Variants in ZIC5 observed in about 807,000 individuals in gnomAD.
The protein encoded by ZIC5 is Zic family zinc finger 5, also known as zinc finger protein ZIC 5.
In ZIC5, 20 loss-of-function variants were observed where a neutral mutation model predicts 28.5. That is an observed-to-expected ratio of 0.70 (90% CI 0.49 to 1.02). ZIC5 has a LOEUF of 1.02. ZIC5 is among the 50% of genes least tolerant of loss of function. The pLI, the probability that ZIC5 is intolerant of heterozygous loss-of-function variation, is 0.00. For missense variants in ZIC5, 951 were observed against 899.7 expected, an observed-to-expected ratio of 1.06 and a Z score of -0.73; for synonymous variants, 488 against 410.4, an observed-to-expected ratio of 1.19 and a Z score of -2.29.
chr13:99,970,881 G>C lies in ZIC5; in HGVS notation c.723C>G (p.Asp241Glu), dbSNP rs781033169. ...GGTGGCCGCCTGGGGCCCCCGGCGT[G>C]TCGTGCAGCGCGGGGAAGAGCGCCG... ...GGPALFPALH[D>E]TPGAPGGHPH... Residue 241 changes from aspartate (D) to glutamate (E), a missense_variant, in exon 1 of 2, where the codon GAC (aspartate) becomes GAG (glutamate). Around this residue, in one of 3 missense-constraint regions of ZIC5, gnomAD observed 784 missense variants for 660.1 expected, o/e 1.19. Transcript: ENST00000267294. 3 of 1,295,396 alleles carry C rather than the reference G, an allele frequency of 2.3e-6. No individual in the cohort carries two copies. In the South Asian group the frequency reaches 7.7e-5, roughly 33 times the overall value. 80.2% of individuals were successfully genotyped at this position (1,295,396 alleles called of 1,614,324 possible). A position where few individuals can be genotyped will look rare whatever the true frequency, so the allele number is the denominator to read the frequency against.
chr13:99,971,669 A>G lies in ZIC5; in HGVS notation c.-66T>C. On this transcript the variant is annotated 5_prime_UTR_variant, in exon 1 of 2. Coordinates refer to ENST00000267294, the MANE Select transcript of ZIC5 (RefSeq NM_033132.5). ...ACTTTATTCCCTCTGCCCGCCTTCA[A>G]AAACATGTATGTATTGGGCGCTCTT... 1.3e-6 allele frequency: 2 copies of G among 1,555,760 alleles called. No individual in the cohort carries two copies. The highest frequency in any genetic ancestry group is 1.7e-6 in the Non-Finnish European group (2 of 1,148,796).
In ZIC5 at chr13:99,970,963, G is replaced by A; in HGVS notation, c.641C>T (p.Ala214Val). ...PQHPAPPPHS[A>V]GMFISASGTY... Reference sequence around the variant, plus strand: ...GCCGCTGGCGGAGATGAACATGCCGGCCGAGTGGGGAGGCGGGGCCGGGTG... The same window carrying A: ...GCCGCTGGCGGAGATGAACATGCCGACCGAGTGGGGAGGCGGGGCCGGGTG... The change falls in exon 1 of 2, where the codon GCC (alanine) becomes GTC (valine). Residue 214 changes from alanine (A) to valine (V), a missense_variant. This residue lies in a region of ZIC5 where 784 missense variants were observed against 660.1 expected (regional missense o/e 1.19). Coordinates refer to ENST00000267294, the MANE Select transcript of ZIC5 (RefSeq NM_033132.5). The A allele has an allele frequency of 7.1e-7, 1 of 1,399,382 alleles. No homozygotes were observed. Among genetic ancestry groups the A allele is most frequent in the Non-Finnish European group, 9.2e-7 (1 of 1,088,490 alleles). The allele number at this position is 1,399,382 out of a possible 1,614,324, so 86.7% of individuals were successfully genotyped here. A position where few individuals can be genotyped will look rare whatever the true frequency, so the allele number is the denominator to read the frequency against.
intron 1 of ZIC5, among the ~76,000 whole-genome samples, chr13:99,968,489 C>T (rs973640950): frequency 2.0e-5 from 3 of 152,070 alleles, no homozygotes; most frequent in Admixed American, 2.0e-4. Flanking sequence ...GGGGACAGTG[C>T]GCAGGGCGTG....
chr13:99,965,912 A>G lies in ZIC5; in HGVS notation c.1478-93T>C, dbSNP rs146123489. 5.9e-4 allele frequency: 796 copies of G among 1,343,372 alleles called. 8 individuals are homozygous for G. In the East Asian group the frequency reaches 0.016, roughly 26 times the overall value. The allele number at this position is 1,343,372 out of a possible 1,614,324, so 83.2% of individuals were successfully genotyped here. A position where few individuals can be genotyped will look rare whatever the true frequency, so the allele number is the denominator to read the frequency against. On this transcript the variant is annotated intron_variant, in intron 1 of 1. Transcript: ENST00000267294. ...GCAGAACCAAGGTTGTGTTTTTCCT[A>G]TTCTCCCAGAGACCAACTCCCAGCC...
chr13:99,970,863 G>A lies in ZIC5; in HGVS notation c.741C>T (p.Gly247=). ...GGCCGTTGAGCGGGTGCGGGTGGCC[G>A]CCTGGGGCCCCCGGCGTGTCGTGCA... ...PALHDTPGAP[G]GHPHPLNGQM... The change falls in exon 1 of 2, where the codon GGC becomes GGT. Residue 247 remains glycine (G), a synonymous_variant. Transcript: ENST00000267294. 1 of 1,263,760 alleles carries A rather than the reference G, an allele frequency of 7.9e-7. No individual in the cohort carries two copies. The highest frequency in any genetic ancestry group is 9.9e-7 in the Non-Finnish European group (1 of 1,012,496). 78.3% of individuals were successfully genotyped at this position (1,263,760 alleles called of 1,614,324 possible).
Position 99,963,353 on chromosome 13 carries a change from G to A in ZIC5, c.*2024C>T, listed in dbSNP as rs1054134845. The A allele has an allele frequency of 6.6e-6, 1 of 152,364 alleles. No individual in the cohort carries two copies. Among genetic ancestry groups the A allele is most frequent in the Non-Finnish European group, 1.5e-5 (1 of 67,974 alleles). 9.4% of individuals were successfully genotyped at this position (152,364 alleles called of 1,614,324 possible). A position where few individuals can be genotyped will look rare whatever the true frequency, so the allele number is the denominator to read the frequency against. On this transcript the variant is annotated 3_prime_UTR_variant, in exon 2 of 2. Coordinates refer to ENST00000267294, the MANE Select transcript of ZIC5 (RefSeq NM_033132.5). ...AGTTCATACCTTTTCTATTTGAAAG[G>A]GCTTTGAAAGTGAATAATATGAAAA...
chr13:99,971,765 A>C lies in ZIC5; in HGVS notation c.-162T>G. On this transcript the variant is annotated 5_prime_UTR_variant, in exon 1 of 2. Coordinates refer to ENST00000267294, the MANE Select transcript of ZIC5 (RefSeq NM_033132.5). ...CACTCTATCCTCCAGCGATTGGCAG[A>C]GTGAACACCACATTTGAGCTGCACA... The C allele has an allele frequency of 6.0e-6, 9 of 1,495,024 alleles. No homozygotes were observed. Among genetic ancestry groups the C allele is most frequent in the Non-Finnish European group, 8.2e-6 (9 of 1,099,222 alleles). 92.6% of individuals were successfully genotyped at this position (1,495,024 alleles called of 1,614,324 possible).
Position 99,970,692 on chromosome 13 carries a change from T to A in ZIC5, c.912A>T (p.Gly304=). ...CCAGGTTCAGGTTTAAGTTCACGGCTCCGTAGCCGTGCAGGGCGGCCGCCG... is the reference window on the plus strand; with the variant it reads ...CCAGGTTCAGGTTTAAGTTCACGGCACCGTAGCCGTGCAGGGCGGCCGCCG... ...AAAAAALHGY[G]AVNLNLNLAA... Residue 304 remains glycine, a synonymous_variant, in exon 1 of 2, where the codon GGA becomes GGT. Coordinates refer to ENST00000267294, the MANE Select transcript of ZIC5 (RefSeq NM_033132.5). 1.7e-6 allele frequency: 2 copies of A among 1,188,776 alleles called. No homozygotes were observed. Among genetic ancestry groups the A allele is most frequent in the Non-Finnish European group, 2.1e-6 (2 of 953,384 alleles). 73.6% of individuals were successfully genotyped at this position (1,188,776 alleles called of 1,614,324 possible). A position where few individuals can be genotyped will look rare whatever the true frequency, so the allele number is the denominator to read the frequency against.
rs1232853541 is a variant in ZIC5 at position 99,964,635 on chromosome 13, T to C, written c.*742A>G. Reference sequence around the variant, plus strand: ...CACAGTAGCACAAGATATGGAGATATATTAAGGTTGCTGCATCTTTTTTTA... The same window carrying C: ...CACAGTAGCACAAGATATGGAGATACATTAAGGTTGCTGCATCTTTTTTTA... On this transcript the variant is annotated 3_prime_UTR_variant, in exon 2 of 2. Coordinates refer to ENST00000267294, the MANE Select transcript of ZIC5 (RefSeq NM_033132.5). 1 of 152,606 alleles carries C rather than the reference T, an allele frequency of 6.6e-6. No individual in the cohort carries two copies. Among genetic ancestry groups the C allele is most frequent in the African/African-American group, 2.4e-5 (1 of 41,444 alleles). The allele number at this position is 152,606 out of a possible 1,614,324, so 9.5% of individuals were successfully genotyped here.
rs2152151800 is a variant in ZIC5 at position 99,964,038 on chromosome 13, C to T, written c.*1339G>A. The stretch of plus-strand genomic sequence containing the variant: ...CGACTAAGAGTTATTGTCCTAGGTC[C>T]TTGACCTTTTTTATCCTAGCTTGAC... On this transcript the variant is annotated 3_prime_UTR_variant, in exon 2 of 2. Coordinates refer to ENST00000267294, the MANE Select transcript of ZIC5 (RefSeq NM_033132.5). The T allele has an allele frequency of 6.6e-6, 1 of 152,648 alleles. No homozygotes were observed. The highest frequency in any genetic ancestry group is 1.5e-5 in the Non-Finnish European group (1 of 67,992). 9.5% of individuals were successfully genotyped at this position (152,648 alleles called of 1,614,324 possible).
chr13:99,966,979 T>C (rs2053105121), intron 1 of ZIC5, among the ~76,000 whole-genome samples: 5 of 152,268 alleles, frequency 3.3e-5, no homozygotes, highest in Admixed American at 3.3e-4. Context: ...ATTGAATTAA[T>C]ATTTTCCTCT....
rs866292602 is a variant in ZIC5, at chr13:99,965,475, G to A, written c.1822C>T (p.Pro608Ser). ...EWYVCQASGA[P>S]SHLHTPSSNG... ...CTGGAAGGGGTGTGGAGGTGGCTGG[G>A]GGCCCCACTGGCCTGGCAAACGTAC... The change falls in exon 2 of 2, where the codon CCC becomes TCC. Residue 608 changes from proline (P) to serine (S), a missense_variant. By Grantham distance (74) the Pro-to-Ser change is moderately conservative (BLOSUM62 -1). Transcript: ENST00000267294. 5.6e-6 allele frequency: 9 copies of A among 1,613,978 alleles called. No homozygotes were observed. The African/African-American group carries it at 9.3e-5, about 17-fold the overall frequency.
chr13:99,969,476 G>A (rs541817486), intron 1 of ZIC5, among the ~76,000 whole-genome samples: 210 of 130,942 alleles, frequency 1.6e-3, no homozygotes, highest in African/African-American at 4.7e-3. Flanking sequence ...AGTTGTGGGA[G>A]ACGCACGCAG....
chr13:99,967,253 T>C lies in ZIC5; in HGVS notation c.1478-1434A>G, dbSNP rs2053107214. Among the ~76,000 whole-genome samples the C allele has an allele frequency of 2.6e-5, 4 of 152,334 alleles. No homozygotes were observed. The South Asian group carries it at 8.3e-4, about 32-fold the overall frequency. On this transcript the variant is annotated intron_variant, in intron 1 of 1. Coordinates refer to ENST00000267294, the MANE Select transcript of ZIC5 (RefSeq NM_033132.5). ...AGTATGCTAGCACATCTGAGAGTAT[T>C]CAGGCAGATGCCTGGAATTTAACTT...
In ZIC5 at chr13:99,971,379, C is replaced by A. The variant is rs545605629; in HGVS notation, c.225G>T (p.Ala75=). ...TPLGPEHMAQ[A]STLGLSPPSQ... ...AGGGAGGGCTGAGGCCCAGCGTGCTCGCCTGGGCCATGTGCTCGGGTCCGA... is the reference window on the plus strand; with the variant it reads ...AGGGAGGGCTGAGGCCCAGCGTGCTAGCCTGGGCCATGTGCTCGGGTCCGA... Residue 75 remains alanine (A), a synonymous_variant, in exon 1 of 2, where the codon GCG becomes GCT. Transcript: ENST00000267294. 725 of 1,496,608 alleles carry A rather than the reference C, an allele frequency of 4.8e-4. 7 individuals are homozygous for A. The South Asian group carries it at 7.6e-3, about 16-fold the overall frequency. 92.7% of individuals were successfully genotyped at this position (1,496,608 alleles called of 1,614,324 possible).
chr13:99,970,923 C>G lies in ZIC5; in HGVS notation c.681G>C (p.Pro227=). The G allele has an allele frequency of 1.4e-6, 2 of 1,379,658 alleles. No individual in the cohort carries two copies. The highest frequency in any genetic ancestry group is 3.1e-5 in the East Asian group (1 of 32,126). The allele number at this position is 1,379,658 out of a possible 1,614,324, so 85.5% of individuals were successfully genotyped here. The change falls in exon 1 of 2, where the codon CCG becomes CCC. Residue 227 remains proline (P), a synonymous_variant. Coordinates refer to ENST00000267294, the MANE Select transcript of ZIC5 (RefSeq NM_033132.5). ...FISASGTYAG[P]DGSGGPALFP... ...AGAGCGCCGGGCCGCCGCTGCCGTCCGGGCCCGCGTAGGTGCCGCTGGCGG... is the reference window on the plus strand; with the variant it reads ...AGAGCGCCGGGCCGCCGCTGCCGTCGGGGCCCGCGTAGGTGCCGCTGGCGG...
At chr13:99,966,554 G>A (rs2053101564) in intron 1 of ZIC5, among the ~76,000 whole-genome samples, 1 of 152,140 alleles carries the variant, frequency 6.6e-6, no homozygotes, top group African/African-American at 2.4e-5. Context: ...TACTTGCAGG[G>A]CAGTTAAGAG....
At position 99,965,383 on chromosome 13, in the gene ZIC5, T is replaced by G; in HGVS notation, c.1914A>C (p.Ile638=). Residue 638 remains isoleucine (I), a synonymous_variant, in exon 2 of 2, where the codon ATA becomes ATC. Transcript: ENST00000267294. ...IYGNPEVVRT[I]H ...TTATTATTAATAATAAATTCTAATG[T>G]ATCGTCCGCACAACTTCAGGGTTCC... 6.2e-7 allele frequency: 1 copy of G among 1,613,128 alleles called. No individual in the cohort carries two copies. Among genetic ancestry groups the G allele is most frequent in the African/African-American group, 1.3e-5 (1 of 74,928 alleles).
chr13:99,967,477 C>T (rs936879976), intron 1 of ZIC5, among the ~76,000 whole-genome samples: 5 of 152,226 alleles, frequency 3.3e-5, no homozygotes, highest in Non-Finnish European at 4.4e-5. Context: ...CTACATTACA[C>T]TTTAAGTCGT....
Sources: gnomAD v4.1 joint callset for allele counts (sites outside exome capture counted in the v4.1 genomes callset) on GRCh38, gnomAD v4.1.1 for gene constraint, gnomAD v4.1.1 regional missense constraint, MANE v1.5 for transcripts, NCBI Gene and HGNC (gene_info 2026-07-23, HGNC 2026-07-21) for gene names.